Variants in ULK4 observed in about 807,000 individuals in gnomAD.
The protein encoded by ULK4 is inactive serine/threonine-protein kinase ULK4.
ULK4 carries 133 observed loss-of-function variants against 160.6 expected under a neutral mutation model. That is an observed-to-expected ratio of 0.83 (90% CI 0.72 to 0.96). ULK4 has a LOEUF of 0.96. ULK4 is among the 40% of genes least tolerant of loss of function. The pLI is 0.00. For synonymous variants in ULK4, 534 were observed against 539.8 expected, an observed-to-expected ratio of 0.99 and a Z score of 0.15; for missense variants, 1,580 against 1,499.5, an observed-to-expected ratio of 1.05 and a Z score of -0.89.
chr3:41,641,762 G>A lies in ULK4; in HGVS notation c.3071+21845C>T, dbSNP rs148964615. The stretch of plus-strand genomic sequence containing the variant: ...AACATGCTTAAACGATTTATGAGAG[G>A]AAATGTAACATATTTTTCCCAATTA... On this transcript the variant is annotated intron_variant, in intron 30 of 36. Coordinates refer to ENST00000301831, the MANE Select transcript of ULK4 (RefSeq NM_017886.4). 5.9e-4 allele frequency among the ~76,000 whole-genome samples: 90 copies of A among 151,434 alleles called. No individual in the cohort carries two copies. In the East Asian group the frequency reaches 0.016, roughly 27 times the overall value.
At chr3:41,847,667 A>C (rs1053003768) in intron 17 of ULK4, among the ~76,000 whole-genome samples, 10 of 152,206 alleles carry the variant, frequency 6.6e-5, no homozygotes, top group Non-Finnish European at 1.2e-4. Flanking sequence ...CACTACTTTC[A>C]ATGACACAAA....
intron 34 of ULK4, among the ~76,000 whole-genome samples, chr3:41,418,353 G>GGGGGCC (rs2082580790): frequency 7.4e-6 from 1 of 135,096 alleles, no homozygotes; most frequent in African/African-American, 2.8e-5. Context: ...GGGGGGGGGG[G>GGGGGCC]CACGTTTCTA....
At chr3:41,789,898 C>A (rs954737872) in intron 20 of ULK4, 55 bp from the exon 21 acceptor site, 4 of 1,403,258 alleles carry the variant, frequency 2.9e-6, no homozygotes, top group Non-Finnish European at 3.8e-6. Context: ...TCAATCATTC[C>A]CCTGAAAGGT....
At chr3:41,629,338 A>G (rs1307900518) in intron 30 of ULK4, among the ~76,000 whole-genome samples, 2 of 152,162 alleles carry the variant, frequency 1.3e-5, no homozygotes, top group African/African-American at 4.8e-5. Flanking sequence ...GGCTCAGTTA[A>G]TTCTGTTGAC....
chr3:41,500,450 G>C (rs1340826726), intron 32 of ULK4, among the ~76,000 whole-genome samples: 1 of 151,938 alleles, frequency 6.6e-6, no homozygotes, highest in Admixed American at 6.6e-5. Flanking sequence ...TTTACTTTCT[G>C]TGATGATTAA....
intron 35 of ULK4, among the ~76,000 whole-genome samples, chr3:41,395,765 C>T (rs567185703): frequency 6.6e-6 from 1 of 152,094 alleles, no homozygotes; most frequent in Admixed American, 6.6e-5. Context: ...GAAAATAATT[C>T]TAGTGATAAA....
intron 21 of ULK4, among the ~76,000 whole-genome samples, chr3:41,771,004 G>A (rs2039338684): frequency 6.6e-6 from 1 of 152,160 alleles, no homozygotes; most frequent in Non-Finnish European, 1.5e-5. Flanking sequence ...TAGATTGAAA[G>A]ATGACAAGAA....
intron 32 of ULK4, among the ~76,000 whole-genome samples, chr3:41,473,996 T>C (rs2084067578): frequency 1.3e-5 from 2 of 152,086 alleles, no homozygotes; most frequent in African/African-American, 4.8e-5. Context: ...GCAAAACAAT[T>C]GTAAAATTCA....
chr3:41,622,892 G>T (rs539300152), intron 30 of ULK4, among the ~76,000 whole-genome samples: 2 of 152,162 alleles, frequency 1.3e-5, no homozygotes, highest in East Asian at 3.9e-4. Context: ...TGTCTCTATA[G>T]CAACTACTCA....
intron 35 of ULK4, among the ~76,000 whole-genome samples, chr3:41,288,654 T>A (rs1039678915): frequency 2.0e-5 from 3 of 152,222 alleles, no homozygotes; most frequent in African/African-American, 7.2e-5. Context: ...TTATATTTAC[T>A]CACTGATCAA....
chr3:41,421,940 T>C (rs2082673061), intron 34 of ULK4, among the ~76,000 whole-genome samples: 1 of 152,138 alleles, frequency 6.6e-6, no homozygotes. Flanking sequence ...AATGATCCAC[T>C]TGTTTGTTGT....
chr3:41,291,688 A>G (rs1211757478), intron 35 of ULK4, among the ~76,000 whole-genome samples: 2 of 152,196 alleles, frequency 1.3e-5, no homozygotes, highest in African/African-American at 4.8e-5. Context: ...CTACACGAGT[A>G]AACATTGTTA....
chr3:41,344,095 A>G (rs2080747186), intron 35 of ULK4, among the ~76,000 whole-genome samples: 1 of 152,232 alleles, frequency 6.6e-6, no homozygotes, highest in African/African-American at 2.4e-5. Flanking sequence ...AGGCTGCAGT[A>G]ACAAAAACAG....
intron 30 of ULK4, among the ~76,000 whole-genome samples, chr3:41,622,014 C>T (rs774859421): frequency 3.9e-5 from 6 of 152,038 alleles, no homozygotes; most frequent in Non-Finnish European, 7.4e-5. Context: ...TGAAAAAGAG[C>T]CATCATCACT....
intron 35 of ULK4, among the ~76,000 whole-genome samples, chr3:41,379,693 G>A (rs1274374754): frequency 6.6e-6 from 1 of 152,110 alleles, no homozygotes; most frequent in Non-Finnish European, 1.5e-5. Flanking sequence ...ATGTGGTTTA[G>A]CTCAACCTTA....
intron 35 of ULK4, among the ~76,000 whole-genome samples, chr3:41,310,809 G>A (rs975694525): frequency 3.6e-4 from 55 of 152,008 alleles, no homozygotes; most frequent in African/African-American, 1.2e-3. Flanking sequence ...CATGGGCGAC[G>A]TGGCAAAACT....
intron 31 of ULK4, among the ~76,000 whole-genome samples, chr3:41,566,845 A>G (rs2087799406): frequency 6.6e-6 from 1 of 152,222 alleles, no homozygotes; most frequent in South Asian, 2.1e-4. Flanking sequence ...TATAATTGAA[A>G]TTATTAAATT....
chr3:41,500,121 GATCT>G (rs948558941), intron 32 of ULK4, among the ~76,000 whole-genome samples: 1 of 151,550 alleles, frequency 6.6e-6, no homozygotes, highest in African/African-American at 2.4e-5. Context: ...TCATTTCAAA[GATCT>G]ATCAGTTGGC....
chr3:41,247,236 TCTGCCAGAAACA>T (rs1422550381), intron 36 of ULK4, among the ~76,000 whole-genome samples: 1 of 152,138 alleles, frequency 6.6e-6, no homozygotes, highest in Non-Finnish European at 1.5e-5. Flanking sequence ...CTGAGCCACC[TCTGCCAGAAACA>T]CTGCCAGTGA....
Sources: allele counts gnomAD v4.1 joint callset (sites outside exome capture counted in the v4.1 genomes callset), GRCh38; gene constraint gnomAD v4.1.1; transcripts MANE v1.5; gene names NCBI Gene and HGNC (gene_info 2026-07-23, HGNC 2026-07-21).